Variants in TENM2 observed in about 807,000 individuals in gnomAD.
TENM2 encodes the protein teneurin transmembrane protein 2.
TENM2 carries 52 observed loss-of-function variants against 245.2 expected under a neutral mutation model. The ratio of observed to expected loss-of-function variants is 0.21; its 90% confidence interval spans 0.17 to 0.27. The LOEUF is 0.27. TENM2 is among the 10% of genes least tolerant of loss of function. TENM2 has a pLI of 1.00. For synonymous variants in TENM2, 1,363 were observed against 1,438.9 expected, an observed-to-expected ratio of 0.95 and a Z score of 1.19; for missense variants, 3,046 against 3,666.8, an observed-to-expected ratio of 0.83 and a Z score of 4.37.
At chr5:167,743,594 G>A (rs183351317) in intron 2 of TENM2, among the ~76,000 whole-genome samples, 119 of 152,142 alleles carry the variant, frequency 7.8e-4, no homozygotes, top group African/African-American at 2.6e-3. Flanking sequence ...TGGCAAACAC[G>A]GCTCAGCCTC....
chr5:167,248,416 A>G, the TENM2 span, among the ~76,000 whole-genome samples: 1 of 152,156 alleles, frequency 6.6e-6, no homozygotes, highest in African/African-American at 2.4e-5. Context: ...TCCAGAAAAC[A>G]CAGATTGCAG....
chr5:167,445,410 A>G (rs1023698282), intron 2 of TENM2, among the ~76,000 whole-genome samples: 1 of 144,702 alleles, frequency 6.9e-6, no homozygotes, highest in Non-Finnish European at 1.5e-5. Context: ...TAGATTGGAG[A>G]TGAGTAAAGC....
At chr5:167,137,045 C>CCTG in the TENM2 span, among the ~76,000 whole-genome samples, 1 of 152,184 alleles carries the variant, frequency 6.6e-6, no homozygotes, top group Admixed American at 6.5e-5. Context: ...TGGCTGCTTT[C>CCTG]CTGCTGAGAC....
In TENM2 at chr5:167,377,129, T is replaced by A. The variant is rs1426348600; in HGVS notation, c.502+1656T>A. 2.0e-5 allele frequency among the ~76,000 whole-genome samples: 3 copies of A among 152,124 alleles called. No homozygotes were observed. The East Asian group carries it at 5.8e-4, about 29-fold the overall frequency. On this transcript the variant is annotated intron_variant, in intron 2 of 28. Coordinates refer to ENST00000518659, the Ensembl canonical transcript of TENM2. ...CTGGTGAAGCCAAGGGCACAAAAAA[T>A]GCTTGCCATGAATTTACCTAGGAGA...
the TENM2 span, among the ~76,000 whole-genome samples, chr5:167,195,429 T>A: frequency 2.6e-5 from 4 of 152,128 alleles, no homozygotes; most frequent in South Asian, 8.3e-4. Flanking sequence ...ATCCACAATT[T>A]TTTTCTGCAA....
chr5:167,305,180 G>C (rs951347648), intron 1 of TENM2, among the ~76,000 whole-genome samples: 4 of 152,122 alleles, frequency 2.6e-5, no homozygotes, highest in African/African-American at 9.7e-5. Flanking sequence ...TTTTCGTTCA[G>C]GTTTGCCTGA....
At chr5:167,398,394 CTT>C (rs1483762483) in intron 2 of TENM2, among the ~76,000 whole-genome samples, 1 of 34,954 alleles carries the variant, frequency 2.9e-5, no homozygotes, top group Non-Finnish European at 5.6e-5. Flanking sequence ...TTCTTTCTTT[CTT>C]TCTTTCTTTC....
chr5:167,107,355 G>A, the TENM2 span, among the ~76,000 whole-genome samples: 33 of 152,238 alleles, frequency 2.2e-4, no homozygotes, highest in Middle Eastern at 3.4e-3. Flanking sequence ...CAAGTTGTAC[G>A]TGGTGGAGTA....
chr5:167,197,408 T>A, the TENM2 span, among the ~76,000 whole-genome samples: 1 of 152,078 alleles, frequency 6.6e-6, no homozygotes, highest in African/African-American at 2.4e-5. Context: ...ATTTGCTCTA[T>A]CAACATTTGT....
chr5:167,740,121 G>C (rs1398305437), intron 2 of TENM2, among the ~76,000 whole-genome samples: 1 of 152,132 alleles, frequency 6.6e-6, no homozygotes, highest in Admixed American at 6.5e-5. Flanking sequence ...CCATTGTTTG[G>C]ATTTGCATAT....
intron 13 of TENM2, among the ~76,000 whole-genome samples, chr5:168,180,906 AT>A (rs1303629705): frequency 8.2e-4 from 63 of 76,492 alleles, no homozygotes; most frequent in South Asian, 3.7e-3. Flanking sequence ...CCATCTTAAA[AT>A]TTAAAAAAAA....
chr5:167,334,602 T>A (rs1170199740), intron 1 of TENM2, among the ~76,000 whole-genome samples: 1 of 152,232 alleles, frequency 6.6e-6, no homozygotes, highest in African/African-American at 2.4e-5. Flanking sequence ...CTTCCTCTCT[T>A]GTTTTTTCCT....
the TENM2 span, among the ~76,000 whole-genome samples, chr5:167,022,476 A>T: frequency 6.6e-6 from 1 of 152,232 alleles, no homozygotes; most frequent in Non-Finnish European, 1.5e-5. Flanking sequence ...GGCCATACTT[A>T]TGCTAAAATA....
intron 2 of TENM2, among the ~76,000 whole-genome samples, chr5:167,494,393 TA>T (rs1768650329): frequency 6.6e-6 from 1 of 152,152 alleles, no homozygotes; most frequent in Admixed American, 6.6e-5. Flanking sequence ...AGGGAGTTGC[TA>T]AAAGGTCTTT....
the TENM2 span, among the ~76,000 whole-genome samples, chr5:167,250,955 T>C: frequency 6.6e-6 from 1 of 152,148 alleles, no homozygotes; most frequent in Non-Finnish European, 1.5e-5. Context: ...TTTTATTTGG[T>C]GAAATGGCGA....
chr5:167,897,379 CT>C (rs1395559986), intron 3 of TENM2, among the ~76,000 whole-genome samples: 2 of 151,834 alleles, frequency 1.3e-5, no homozygotes, highest in Admixed American at 1.3e-4. Flanking sequence ...CCCTGGTAAA[CT>C]TTTCTTTTTG....
chr5:167,324,734 T>G (rs1056331864), intron 1 of TENM2, among the ~76,000 whole-genome samples: 2 of 152,198 alleles, frequency 1.3e-5, no homozygotes, highest in Non-Finnish European at 2.9e-5. Flanking sequence ...TTAGTGGTAT[T>G]TGCAATGCCT....
At chr5:167,851,476 T>G (rs1561854459) in intron 2 of TENM2, among the ~76,000 whole-genome samples, 2 of 152,238 alleles carry the variant, frequency 1.3e-5, no homozygotes, top group Non-Finnish European at 2.9e-5. Context: ...GAAAGAGCTG[T>G]TATCCATATC....
intron 1 of TENM2, among the ~76,000 whole-genome samples, chr5:167,298,924 G>A (rs1755137114): frequency 6.6e-6 from 1 of 152,186 alleles, no homozygotes; most frequent in Admixed American, 6.5e-5. Context: ...TAGTAGGGAT[G>A]ACAAGTTTTT....
Sources: gnomAD v4.1 joint callset for allele counts (sites outside exome capture counted in the v4.1 genomes callset) on GRCh38, gnomAD v4.1.1 for gene constraint, MANE v1.5 for transcripts, NCBI Gene and HGNC (gene_info 2026-07-23, HGNC 2026-07-21) for gene names.